Variants in SGCZ observed in about 807,000 individuals in gnomAD.
The protein encoded by SGCZ is zeta-sarcoglycan.
A neutral mutation model predicts 41.3 loss-of-function variants in SGCZ; 40 were observed. The ratio of observed to expected loss-of-function variants is 0.97; its 90% CI spans 0.75 to 1.26. The LOEUF (loss-of-function observed/expected upper bound fraction) is 1.26. Ranked by LOEUF, SGCZ falls within the 50% of genes most tolerant of loss-of-function variation. The pLI, the probability that SGCZ is intolerant of heterozygous loss-of-function variation, is 0.00. For missense variants in SGCZ, 552 were observed against 369.8 expected (o/e 1.49, Z -4.04); for synonymous variants, 206 against 137.5 (o/e 1.50, Z -3.49).
intron 1 of SGCZ, among the ~76,000 whole-genome samples, chr8:15,028,873 T>C (rs1803553708): frequency 6.6e-6 from 1 of 152,066 alleles, no homozygotes; most frequent in Non-Finnish European, 1.5e-5. Flanking sequence ...CTCCAAATTC[T>C]ATTCATTTAG....
At chr8:15,102,815 C>CTTA (rs1021449078) in intron 1 of SGCZ, among the ~76,000 whole-genome samples, 1 of 152,066 alleles carries the variant, frequency 6.6e-6, no homozygotes, top group Non-Finnish European at 1.5e-5. Context: ...TTTCTCAAGT[C>CTTA]TTACATTTCT....
intron 1 of SGCZ, among the ~76,000 whole-genome samples, chr8:14,751,767 CT>C (rs1479733749): frequency 2.0e-5 from 3 of 151,848 alleles, no homozygotes; most frequent in African/African-American, 7.3e-5. Flanking sequence ...CCAGGATGGT[CT>C]TGATTTCCTG....
intron 1 of SGCZ, among the ~76,000 whole-genome samples, chr8:15,138,328 G>T (rs1205142705): frequency 6.6e-6 from 1 of 152,060 alleles, no homozygotes; most frequent in African/African-American, 2.4e-5. Flanking sequence ...CTTTGGAGTT[G>T]GGCTTTTGAG....
chr8:14,354,619 A>G (rs930311707), intron 2 of SGCZ, among the ~76,000 whole-genome samples: 3 of 151,766 alleles, frequency 2.0e-5, no homozygotes, highest in African/African-American at 7.2e-5. Context: ...AACATAAACC[A>G]TCGTGTCTAC....
At chr8:14,511,618 T>C (rs149429315) in intron 2 of SGCZ, among the ~76,000 whole-genome samples, 87 of 152,224 alleles carry the variant, frequency 5.7e-4, no homozygotes, top group Non-Finnish European at 1.2e-3. Context: ...TTTCACAAAG[T>C]AGCTAGAATA....
intron 2 of SGCZ, among the ~76,000 whole-genome samples, chr8:14,422,762 C>CT (rs1350565804): frequency 4.6e-5 from 7 of 152,268 alleles, no homozygotes; most frequent in African/African-American, 1.7e-4. Flanking sequence ...CCCCAGATCT[C>CT]TTTTAGTTAT....
intron 1 of SGCZ, among the ~76,000 whole-genome samples, chr8:14,987,139 G>T (rs181503453): frequency 6.6e-6 from 1 of 151,798 alleles, no homozygotes; most frequent in Non-Finnish European, 1.5e-5. Context: ...TTAGAAAACT[G>T]TTTACCACAG....
At position 15,043,901 on chromosome 8, in the gene SGCZ, G is replaced by A. The variant is rs149796960; in HGVS notation, c.39+193684C>T. On this transcript the variant is annotated intron_variant, in intron 1 of 7. Transcript: ENST00000382080. ...TGAAAACCAAACATACTATTATATA[G>A]GATCTTGCTTTGGTTTAAGTTGACA... 8.9e-4 allele frequency among the ~76,000 whole-genome samples: 135 copies of A among 152,110 alleles called. 1 individual carries two copies. The highest frequency in any genetic ancestry group is 3.1e-3 in the African/African-American group (130 of 41,534).
chr8:14,448,006 G>C (rs1446520511), intron 2 of SGCZ, among the ~76,000 whole-genome samples: 1 of 152,072 alleles, frequency 6.6e-6, no homozygotes, highest in Non-Finnish European at 1.5e-5. Flanking sequence ...CCTTTCTGAA[G>C]TTAAAATAGT....
At chr8:14,256,795 G>A (rs1033849523) in intron 3 of SGCZ, among the ~76,000 whole-genome samples, 1 of 151,822 alleles carries the variant, frequency 6.6e-6, no homozygotes, top group African/African-American at 2.4e-5. Context: ...CAACTTTCCG[G>A]GTTCACAGAA....
intron 1 of SGCZ, among the ~76,000 whole-genome samples, chr8:14,796,545 A>G (rs1801137661): frequency 6.6e-6 from 1 of 152,148 alleles, no homozygotes; most frequent in Non-Finnish European, 1.5e-5. Context: ...GTATATGTAA[A>G]TATTGTGTGT....
chr8:15,023,746 T>C (rs1016732928), intron 1 of SGCZ, among the ~76,000 whole-genome samples: 18 of 152,292 alleles, frequency 1.2e-4, no homozygotes, highest in South Asian at 1.0e-3. Context: ...CAATAGAGTA[T>C]TGAATAGTGG....
intron 5 of SGCZ, among the ~76,000 whole-genome samples, chr8:14,131,873 C>T (rs1481171052): frequency 6.6e-6 from 1 of 152,038 alleles, no homozygotes; most frequent in African/African-American, 2.4e-5. Context: ...ACATGCTGTA[C>T]AGCTTTGTAA....
intron 1 of SGCZ, among the ~76,000 whole-genome samples, chr8:14,980,383 C>T (rs555888784): frequency 6.6e-6 from 1 of 152,314 alleles, no homozygotes; most frequent in Non-Finnish European, 1.5e-5. Flanking sequence ...TAATCTCCCA[C>T]ATTTTGAGGG....
At chr8:14,900,854 C>A (rs1374598913) in intron 1 of SGCZ, among the ~76,000 whole-genome samples, 2 of 152,070 alleles carry the variant, frequency 1.3e-5, no homozygotes, top group Non-Finnish European at 2.9e-5. Flanking sequence ...CCATATTGGC[C>A]TACTATAGAA....
chr8:14,548,325 T>A (rs2117170392), intron 2 of SGCZ, among the ~76,000 whole-genome samples: 1 of 152,262 alleles, frequency 6.6e-6, no homozygotes, highest in African/African-American at 2.4e-5. Flanking sequence ...ATTCTTGCAA[T>A]CAACACCAAT....
At chr8:14,626,591 C>G (rs531463971) in intron 1 of SGCZ, among the ~76,000 whole-genome samples, 13 of 152,168 alleles carry the variant, frequency 8.5e-5, no homozygotes, top group African/African-American at 3.1e-4. Context: ...GGTGGGCCCC[C>G]ACTCCAACAT....
rs879111179 is a variant in SGCZ, at chr8:14,164,655, T to G, written c.472A>C (p.Ser158Arg). 1.9e-6 allele frequency: 3 copies of G among 1,613,544 alleles called. No individual in the cohort carries two copies. The highest frequency in any genetic ancestry group is 1.3e-5 in the African/African-American group (1 of 74,896). The stretch of plus-strand genomic sequence containing the variant: ...GAAAACAGCACCCTGCCATCTTCAC[T>G]GGCTCTCACTTCAAATCTTTTACAC... ...AQCKRFEVRA[S>R]EDGRVLFSAD... Residue 158 changes from serine (S) to arginine (R), a missense_variant, in exon 5 of 8, where the codon AGT becomes CGT. By Grantham distance (110) the Ser-to-Arg change is moderately radical. Transcript: ENST00000382080.
At chr8:14,831,721 T>A (rs927687969) in intron 1 of SGCZ, among the ~76,000 whole-genome samples, 2 of 151,894 alleles carry the variant, frequency 1.3e-5, no homozygotes, top group African/African-American at 4.8e-5. Flanking sequence ...CTAAAAAACG[T>A]CTTTGAAAGC....
Sources: gnomAD v4.1 joint callset for allele counts (sites outside exome capture counted in the v4.1 genomes callset) on GRCh38, gnomAD v4.1.1 for gene constraint, MANE v1.5 for transcripts, NCBI Gene and HGNC (gene_info 2026-07-23, HGNC 2026-07-21) for gene names.